The following FAM151B variants were observed in gnomAD, a reference collection of about 807,000 sequenced individuals.
FAM151B encodes family with sequence similarity 151 member B.
In FAM151B, 24 loss-of-function variants were observed where a neutral mutation model predicts 31.2. The ratio of observed to expected loss-of-function variants is 0.77; its 90% CI spans 0.56 to 1.08. FAM151B has a LOEUF of 1.08. Among genes scored for constraint, FAM151B ranks in the 50% least tolerant of loss-of-function variants. The probability of loss-of-function intolerance (pLI) is 0.00; values close to 1 mark genes in which losing one functional copy is unlikely to be tolerated. For missense variants in FAM151B, 293 were observed against 328.6 expected, an observed-to-expected ratio of 0.89 and a Z score of 0.84; for synonymous variants, 105 against 111.4, an observed-to-expected ratio of 0.94 and a Z score of 0.36.
intron 2 of FAM151B, among the ~76,000 whole-genome samples, chr5:80,509,949 A>T (rs1206099860): frequency 7.2e-5 from 11 of 152,216 alleles, no homozygotes; most frequent in Non-Finnish European, 4.4e-5. Context: ...GCTTCCAGTA[A>T]GAATTTCTGC....
chr5:80,515,882 G>A (rs2087848451), intron 3 of FAM151B, among the ~76,000 whole-genome samples: 1 of 152,342 alleles, frequency 6.6e-6, no homozygotes, highest in South Asian at 2.1e-4. Context: ...TGGAACTAGA[G>A]AGCTGTCAGC....
At chr5:80,538,249 A>G (rs1745612780) in intron 5 of FAM151B, among the ~76,000 whole-genome samples, 1 of 151,728 alleles carries the variant, frequency 6.6e-6, no homozygotes, top group African/African-American at 2.4e-5. Context: ...TTGTATTTTT[A>G]GTGGAGATGG....
intron 5 of FAM151B, among the ~76,000 whole-genome samples, chr5:80,532,935 A>G (rs1745315865): frequency 6.6e-6 from 1 of 152,232 alleles, no homozygotes; most frequent in Admixed American, 6.5e-5. Flanking sequence ...GAAATTGAAA[A>G]TTTTATTGAA....
At chr5:80,525,569 G>A (rs1050493996) in intron 5 of FAM151B, among the ~76,000 whole-genome samples, 4 of 152,110 alleles carry the variant, frequency 2.6e-5, no homozygotes, top group African/African-American at 9.7e-5. Flanking sequence ...ACTCAGGAAG[G>A]TCTCAGGAGG....
chr5:80,515,916 A>T (rs1744426510), intron 3 of FAM151B, among the ~76,000 whole-genome samples: 1 of 152,232 alleles, frequency 6.6e-6, no homozygotes, highest in South Asian at 2.1e-4. Flanking sequence ...TCACACTTTT[A>T]ACCAGAATGC....
Position 80,494,476 on chromosome 5 carries a change from C to CT in FAM151B, c.25+6331dup, listed in dbSNP as rs750025229. Among the ~76,000 whole-genome samples, 115 of 126,646 alleles carry CT rather than the reference C, an allele frequency of 9.1e-4. 1 individual carries two copies. Among genetic ancestry groups the CT allele is most frequent in the African/African-American group, 2.9e-3 (96 of 32,856 alleles). The allele number at this position is 126,646 out of a possible 152,430, so 83.1% of individuals were successfully genotyped here. A position where few individuals can be genotyped will look rare whatever the true frequency, so the allele number is the denominator to read the frequency against. On this transcript the variant is annotated intron_variant, in intron 1 of 5. Coordinates refer to ENST00000282226, the MANE Select transcript of FAM151B (RefSeq NM_205548.3). ...CTTTCTTTTCTTTCTTTCTTTCTTT[C>CT]TTTCTTTCTTTCTTTCTTTCTTTCT...
At chr5:80,494,982 C>T (rs1743476336) in intron 1 of FAM151B, 1 of 152,136 alleles carries the variant, frequency 6.6e-6, no homozygotes, top group South Asian at 2.1e-4. Flanking sequence ...GAAGCCAGTG[C>T]TCATTACTAT....
intron 2 of FAM151B, chr5:80,510,918 T>C (rs1368248299): frequency 1.3e-5 from 2 of 152,188 alleles, no homozygotes; most frequent in African/African-American, 4.8e-5. Flanking sequence ...ATGACGTGCA[T>C]GGTCGGATAA....
rs76107563 is a variant in FAM151B at position 80,538,014 on chromosome 5, G to A, written c.672-3659G>A. 5.9e-5 allele frequency among the ~76,000 whole-genome samples: 9 copies of A among 151,950 alleles called. 1 individual carries two copies. The East Asian group carries it at 1.5e-3, about 26-fold the overall frequency. On this transcript the variant is annotated intron_variant, in intron 5 of 5. Transcript: ENST00000282226. The stretch of plus-strand genomic sequence containing the variant: ...TGTTAGTTTCTTTATACATATAAGA[G>A]TAAATGTAAATATAGCATCTAATTT...
chr5:80,520,128 T>C (rs561860851), intron 4 of FAM151B, among the ~76,000 whole-genome samples: 19 of 152,168 alleles, frequency 1.2e-4, no homozygotes, highest in Non-Finnish European at 5.9e-5. Context: ...AGTTCACACA[T>C]TTATAGTCAT....
At chr5:80,533,323 A>G (rs1010521250) in intron 5 of FAM151B, among the ~76,000 whole-genome samples, 3 of 151,020 alleles carry the variant, frequency 2.0e-5, no homozygotes, top group Admixed American at 6.6e-5. Context: ...CTTGCAGTGA[A>G]CCGAGATCAC....
chr5:80,506,916 C>T (rs139042154), intron 2 of FAM151B, among the ~76,000 whole-genome samples: 115 of 152,060 alleles, frequency 7.6e-4, no homozygotes, highest in African/African-American at 2.7e-3. Context: ...TTTGGGAGGT[C>T]GAGACCAGCC....
Position 80,513,786 on chromosome 5 carries a change from G to T in FAM151B, c.317+17G>T, listed in dbSNP as rs375932934. ...TTTCAAAAGGTATTTGTATAAACAC[G>T]TTCAATTTTCTGGGAAAAAAGTAAT... On this transcript the variant is annotated intron_variant, in intron 3 of 5. Coordinates refer to ENST00000282226, the MANE Select transcript of FAM151B (RefSeq NM_205548.3). 13 of 1,581,870 alleles carry T rather than the reference G, an allele frequency of 8.2e-6. No individual in the cohort carries two copies. The highest frequency in any genetic ancestry group is 1.9e-5 in the Admixed American group (1 of 52,542).
intron 1 of FAM151B, among the ~76,000 whole-genome samples, chr5:80,490,636 G>A (rs978637028): frequency 6.6e-6 from 1 of 152,020 alleles, no homozygotes; most frequent in African/African-American, 2.4e-5. Flanking sequence ...TGCCTGTTCT[G>A]GATGTTTCAT....
At chr5:80,510,211 C>T (rs1381593723) in intron 2 of FAM151B, among the ~76,000 whole-genome samples, 4 of 152,046 alleles carry the variant, frequency 2.6e-5, no homozygotes, top group African/African-American at 7.2e-5. Flanking sequence ...GGGCTTAGGA[C>T]GTTCATGTAG....
chr5:80,515,626 G>A (rs538951666), intron 3 of FAM151B, among the ~76,000 whole-genome samples: 3 of 152,224 alleles, frequency 2.0e-5, no homozygotes, highest in Admixed American at 6.5e-5. Flanking sequence ...AAAGCGCTGA[G>A]CCTCTGAAAC....
In FAM151B at chr5:80,538,513, T is replaced by TTCCTTCCTTCC. The variant is rs1745696880; in HGVS notation, c.672-3159_672-3158insCCTTCCTTCCT. ...TTCCTTCCTTCCTTTCTTTTCTTTCTTTCCTTCCTTCCTTCCTTCCTTCCT... is the reference window on the plus strand; with the variant it reads ...TTCCTTCCTTCCTTTCTTTTCTTTCTTCCTTCCTTCCTTCCTTCCTTCCTTCCTTCCTTCCT... On this transcript the variant is annotated intron_variant, in intron 5 of 5. Transcript: ENST00000282226. Among the ~76,000 whole-genome samples, 30 of 61,532 alleles carry TTCCTTCCTTCC rather than the reference T, an allele frequency of 4.9e-4. 1 individual carries two copies. The highest frequency in any genetic ancestry group is 9.9e-4 in the African/African-American group (15 of 15,096). The allele number at this position is 61,532 out of a possible 152,430, so 40.4% of individuals were successfully genotyped here.
At chr5:80,522,285 T>C in intron 5 of FAM151B, 147 bp downstream of exon 5, 1 of 737,830 alleles carries the variant, frequency 1.4e-6, no homozygotes, top group Admixed American at 2.8e-5. Context: ...GCGCACAGAC[T>C]CCCTCACCGG....
intron 3 of FAM151B, 24 bp from the exon 4 acceptor site, chr5:80,519,669 A>G: frequency 6.2e-7 from 1 of 1,602,920 alleles, no homozygotes; most frequent in Non-Finnish European, 8.5e-7. Flanking sequence ...AATCTATCTC[A>G]TTGACAACAA....
Sources: allele counts gnomAD v4.1 joint callset (sites outside exome capture counted in the v4.1 genomes callset), GRCh38; gene constraint gnomAD v4.1.1; transcripts MANE v1.5; gene names NCBI Gene and HGNC (gene_info 2026-07-23, HGNC 2026-07-21).